The following ZNF804A variants were observed in gnomAD, a reference collection of about 807,000 sequenced individuals.
The protein encoded by ZNF804A is zinc finger protein 804A.
A neutral mutation model predicts 16.5 loss-of-function variants in ZNF804A; 2 were observed. The observed-to-expected ratio is 0.12, with a 90% CI of 0.05 to 0.38. The LOEUF (loss-of-function observed/expected upper bound fraction) is 0.38. ZNF804A is among the 10% of genes least tolerant of loss of function. ZNF804A has a pLI of 0.99. For missense variants in ZNF804A, 1,473 were observed against 1,390.7 expected, an observed-to-expected ratio of 1.06 and a Z score of -0.94; for synonymous variants, 534 against 489.6, an observed-to-expected ratio of 1.09 and a Z score of -1.20.
Position 184,936,163 on chromosome 2 carries a change from C to A in ZNF804A, c.767C>A (p.Ala256Asp). The A allele has an allele frequency of 6.2e-7, 1 of 1,614,046 alleles. No homozygotes were observed. The highest frequency in any genetic ancestry group is 8.5e-7 in the Non-Finnish European group (1 of 1,179,944). ...AGAAAAAGTAGATTTGTCCCCAGTG[C>A]TTGTCATCTTCAACAATCTTCACCA... is the stretch of plus-strand genomic sequence containing the variant. ...FSRKSRFVPS[A>D]CHLQQSSPTD... Residue 256 changes from alanine to aspartate, a missense_variant, in exon 4 of 4, where the codon GCT becomes GAT. Physicochemically the swap from Ala to Asp is moderately radical, Grantham distance 126 (BLOSUM62 -2). Coordinates refer to ENST00000302277, the MANE Select transcript of ZNF804A (RefSeq NM_194250.2).
chr2:184,852,241 C>CTCTCTCTT (rs141256288), intron 1 of ZNF804A, among the ~76,000 whole-genome samples: 9,227 of 150,364 alleles, frequency 0.061, 952 homozygotes, highest in African/African-American at 0.21. Context: ...CTCTCTCTCT[C>CTCTCTCTT]TCTCTCTCTC....
intron 1 of ZNF804A, among the ~76,000 whole-genome samples, chr2:184,828,926 A>G (rs1006654021): frequency 6.6e-6 from 1 of 151,844 alleles, no homozygotes; most frequent in African/African-American, 2.4e-5. Flanking sequence ...CTTTTCTTGA[A>G]TTTTATCAAT....
intron 1 of ZNF804A, among the ~76,000 whole-genome samples, chr2:184,821,897 A>G (rs1695092466): frequency 6.6e-6 from 1 of 152,194 alleles, no homozygotes; most frequent in Non-Finnish European, 1.5e-5. Context: ...GTGAATATTA[A>G]AAAGTTCAGA....
At chr2:184,643,063 A>G (rs1308393428) in intron 1 of ZNF804A, among the ~76,000 whole-genome samples, 1 of 152,140 alleles carries the variant, frequency 6.6e-6, no homozygotes, top group Non-Finnish European at 1.5e-5. Flanking sequence ...AAAATTGTAG[A>G]CACAGAATCT....
At chr2:184,902,550 C>G (rs1685203440) in intron 2 of ZNF804A, 1 of 152,114 alleles carries the variant, frequency 6.6e-6, no homozygotes, top group Admixed American at 6.6e-5. Flanking sequence ...CCAGGAGCCT[C>G]TTTCATGACC....
chr2:184,719,204 C>T (rs558151925), intron 1 of ZNF804A, among the ~76,000 whole-genome samples: 15 of 152,226 alleles, frequency 9.9e-5, no homozygotes, highest in South Asian at 4.2e-4. Flanking sequence ...GTTTTAGTCA[C>T]GGCTGGGGCA....
chr2:184,770,955 C>A (rs758925013), intron 1 of ZNF804A, among the ~76,000 whole-genome samples: 23 of 151,818 alleles, frequency 1.5e-4, no homozygotes, highest in Non-Finnish European at 3.4e-4. Context: ...AAGACAGATA[C>A]GTAAATAAGA....
chr2:184,633,078 C>A (rs1044687992), intron 1 of ZNF804A, among the ~76,000 whole-genome samples: 7 of 152,146 alleles, frequency 4.6e-5, no homozygotes, highest in Non-Finnish European at 7.3e-5. Context: ...ATAAACAGCT[C>A]TCTTGATTAG....
chr2:184,672,266 T>TA (rs1228098457), intron 1 of ZNF804A, among the ~76,000 whole-genome samples: 3 of 152,250 alleles, frequency 2.0e-5, no homozygotes, highest in East Asian at 1.9e-4. Flanking sequence ...TTTCAGAAGT[T>TA]AAAAAAATAA....
intron 2 of ZNF804A, among the ~76,000 whole-genome samples, chr2:184,866,849 T>G: frequency 6.6e-6 from 1 of 150,858 alleles, no homozygotes; most frequent in South Asian, 2.1e-4. Context: ...TTTAAATCAA[T>G]AATTTATGCA....
intron 1 of ZNF804A, among the ~76,000 whole-genome samples, chr2:184,646,146 A>T (rs530723332): frequency 6.6e-6 from 1 of 152,292 alleles, no homozygotes; most frequent in African/African-American, 2.4e-5. Flanking sequence ...CAGCAGCATG[A>T]CCACATGGCA....
chr2:184,907,814 G>T (rs1211749517), intron 2 of ZNF804A, among the ~76,000 whole-genome samples: 1 of 152,064 alleles, frequency 6.6e-6, no homozygotes, highest in African/African-American at 2.4e-5. Flanking sequence ...TTTGTAGTTT[G>T]AGAAACATTG....
At chr2:184,930,008 C>T (rs370304890) in intron 2 of ZNF804A, among the ~76,000 whole-genome samples, 18 of 151,932 alleles carry the variant, frequency 1.2e-4, no homozygotes, top group South Asian at 2.1e-4. Flanking sequence ...CTGTAAAATA[C>T]GCATAAATAC....
chr2:184,852,452 C>A (rs1695621331), intron 1 of ZNF804A, among the ~76,000 whole-genome samples: 4 of 142,904 alleles, frequency 2.8e-5, no homozygotes, highest in Admixed American at 7.0e-5. Flanking sequence ...GAGGTTATCT[C>A]ATTTGACTAT....
At chr2:184,632,465 A>T (rs924302960) in intron 1 of ZNF804A, among the ~76,000 whole-genome samples, 2 of 152,138 alleles carry the variant, frequency 1.3e-5, no homozygotes, top group African/African-American at 4.8e-5. Context: ...AGGCAATCTC[A>T]GCTTACTGCA....
intron 1 of ZNF804A, among the ~76,000 whole-genome samples, chr2:184,834,527 C>T (rs185205321): frequency 1.3e-5 from 2 of 152,242 alleles, no homozygotes; most frequent in East Asian, 1.9e-4. Flanking sequence ...CTCTCATACA[C>T]TCCTCTCTCT....
At chr2:184,865,510 G>C (rs1193182719) in intron 1 of ZNF804A, among the ~76,000 whole-genome samples, 3 of 151,988 alleles carry the variant, frequency 2.0e-5, no homozygotes, top group Non-Finnish European at 4.4e-5. Context: ...GAGGTGCTAG[G>C]CTCTTTTGCC....
At chr2:184,611,520 C>T (rs187148500) in intron 1 of ZNF804A, among the ~76,000 whole-genome samples, 12 of 152,136 alleles carry the variant, frequency 7.9e-5, no homozygotes. Flanking sequence ...TCATAAAGTT[C>T]ACGAAACAAT....
At chr2:184,875,095 T>C (rs1356557272) in intron 2 of ZNF804A, among the ~76,000 whole-genome samples, 1 of 152,202 alleles carries the variant, frequency 6.6e-6, no homozygotes, top group African/African-American at 2.4e-5. Context: ...AATATGTATG[T>C]TTGTGGAAAA....
Sources: gnomAD v4.1 joint callset for allele counts (sites outside exome capture counted in the v4.1 genomes callset) on GRCh38, gnomAD v4.1.1 for gene constraint, MANE v1.5 for transcripts, NCBI Gene and HGNC (gene_info 2026-07-23, HGNC 2026-07-21) for gene names.